SH3TC1: variants seen among roughly 807,000 people sequenced by gnomAD.
SH3TC1 encodes the protein SH3 domain and tetratricopeptide repeats 1.
SH3TC1 carries 135 observed loss-of-function variants against 117.3 expected under a neutral mutation model. The observed-to-expected ratio is 1.15, with a 90% CI of 1.00 to 1.33. The LOEUF is 1.33. SH3TC1 is among the 40% of genes most tolerant of loss of function. The pLI, the probability that SH3TC1 is intolerant of heterozygous loss-of-function variation, is 0.00. For missense variants in SH3TC1, 2,092 were observed against 1,794.3 expected, an observed-to-expected ratio of 1.17 and a Z score of -3.00; for synonymous variants, 898 against 816.9, an observed-to-expected ratio of 1.10 and a Z score of -1.69.
intron 17 of SH3TC1, among the ~76,000 whole-genome samples, chr4:8,240,271 A>T (rs1480558087): frequency 1.3e-5 from 2 of 152,168 alleles, no homozygotes; most frequent in Non-Finnish European, 2.9e-5. Context: ...ATGCTTTTAT[A>T]CCTGGCCCGG....
intron 1 of SH3TC1, among the ~76,000 whole-genome samples, chr4:8,194,199 G>A (rs1717495186): frequency 6.6e-6 from 1 of 152,190 alleles, no homozygotes; most frequent in Admixed American, 6.5e-5. Context: ...GTTGGTGGTG[G>A]CGCTAAAAAG....
intron 17 of SH3TC1, among the ~76,000 whole-genome samples, chr4:8,239,914 C>T (rs1722184818): frequency 6.6e-6 from 1 of 152,210 alleles, no homozygotes; most frequent in African/African-American, 2.4e-5. Flanking sequence ...TGATGTGACT[C>T]GGGCCCTTCT....
rs549218010 is a variant in SH3TC1, at chr4:8,234,126, AT to A, written c.3282+614del. Among the ~76,000 whole-genome samples the A allele has an allele frequency of 2.9e-3, 417 of 145,576 alleles. 3 individuals carry two copies. In the Middle Eastern group the frequency reaches 0.042, roughly 15 times the overall value. Reference sequence around the variant, plus strand: ...CCATTCACCTGTTGATCCTTCCATCATCCATCCATTTATCCATTCATCCATC... The same window carrying A: ...CCATTCACCTGTTGATCCTTCCATCACCATCCATTTATCCATTCATCCATC... On this transcript the variant is annotated intron_variant, in intron 14 of 17. Coordinates refer to ENST00000245105, the MANE Select transcript of SH3TC1 (RefSeq NM_018986.5).
At chr4:8,230,993 G>A (rs967135257) in intron 12 of SH3TC1, 4 of 151,898 alleles carry the variant, frequency 2.6e-5, no homozygotes, top group Admixed American at 6.6e-5. Context: ...TGTTTCCCAG[G>A]CTAGTCTCAA....
intron 8 of SH3TC1, among the ~76,000 whole-genome samples, chr4:8,218,606 T>C (rs1474800412): frequency 6.6e-6 from 1 of 152,178 alleles, no homozygotes; most frequent in Admixed American, 6.5e-5. Flanking sequence ...CATAGGATGC[T>C]CAGTGAAGCT....
chr4:8,227,003 C>G lies in SH3TC1; in HGVS notation c.1309C>G (p.Leu437Val). ...AGAAATACCTCCACCTTGCCTGAGC[C>G]TGGAGCCACAGGAGACCTTGCAGAA... ...EKEIPPPCLS[L>V]EPQETLQKVK... The change falls in exon 12 of 18, where the codon CTG (leucine) becomes GTG (valine). Residue 437 changes from leucine to valine, a missense_variant. Physicochemically the swap from Leu to Val is conservative, Grantham distance 32. Transcript: ENST00000245105. The G allele has an allele frequency of 6.4e-7, 1 of 1,555,282 alleles. No homozygotes were observed. The highest frequency in any genetic ancestry group is 8.7e-7 in the Non-Finnish European group (1 of 1,150,174).
intron 12 of SH3TC1, among the ~76,000 whole-genome samples, chr4:8,229,512 G>A (rs1010033888): frequency 2.2e-4 from 31 of 139,370 alleles, no homozygotes; most frequent in Middle Eastern, 3.6e-3. Flanking sequence ...GGTGTGAGCG[G>A]GTGAGCGGGG....
At chr4:8,235,366 T>A in intron 14 of SH3TC1, 67 bp from the exon 15 acceptor site, 1 of 1,400,826 alleles carries the variant, frequency 7.1e-7, no homozygotes, top group Non-Finnish European at 9.4e-7. Context: ...GGCGGGGGAG[T>A]CCGACCTGGG....
chr4:8,235,297 A>G, intron 14 of SH3TC1, 136 bp from the exon 15 acceptor site: 1 of 1,113,804 alleles, frequency 9.0e-7, no homozygotes, highest in Non-Finnish European at 1.2e-6. Context: ...GGCGGCCCTA[A>G]TGCACAGGGT....
chr4:8,192,240 C>G lies in SH3TC1; in HGVS notation c.-57+10030C>G, dbSNP rs976443038. On this transcript the variant is annotated intron_variant, in intron 1 of 16. Coordinates refer to the SH3TC1 transcript ENST00000508641. The surrounding 1 kb of genome is among the most constrained non-coding windows in gnomAD (Gnocchi z 4.1). ...AACTCCTGACCTCAAGTGATCTGCACCCCCCTCGGCCTCCCAAAGTGCTGG... is the reference window on the plus strand; with the variant it reads ...AACTCCTGACCTCAAGTGATCTGCAGCCCCCTCGGCCTCCCAAAGTGCTGG... 6.6e-6 allele frequency among the ~76,000 whole-genome samples: 1 copy of G among 151,806 alleles called. No individual in the cohort carries two copies.
In SH3TC1 at chr4:8,218,352, G is replaced by T. The variant is rs777207892; in HGVS notation, c.916+5G>T. ...TGCCCGGCAACCCGCTGATGGGTAA[G>T]TGTTTCCATGGGCCTCTCTTTTTTG... is the stretch of plus-strand genomic sequence containing the variant. On this transcript the variant is annotated splice_donor_5th_base_variant and intron_variant, in intron 8 of 17. Coordinates refer to ENST00000245105, the MANE Select transcript of SH3TC1 (RefSeq NM_018986.5). The T allele has an allele frequency of 1.9e-6, 3 of 1,604,864 alleles. No homozygotes were observed. The African/African-American group carries it at 4.0e-5, about 21-fold the overall frequency.
At chr4:8,189,261 C>A (rs1480566370) in intron 1 of SH3TC1, among the ~76,000 whole-genome samples, 1 of 152,276 alleles carries the variant, frequency 6.6e-6, no homozygotes, top group African/African-American at 2.4e-5. Context: ...AGAGCAAGGC[C>A]CGCCAGTCTC....
rs145145470 is a variant in SH3TC1, at chr4:8,202,131, T to C, written c.-29+2726T>C. On this transcript the variant is annotated intron_variant, in intron 1 of 17. Coordinates refer to ENST00000245105, the MANE Select transcript of SH3TC1 (RefSeq NM_018986.5). The stretch of plus-strand genomic sequence containing the variant: ...CCTGGCCTTGCAGGCAGGGGCTTCC[T>C]GGTGCTGCCACAGACTCAGGGCCAG... Among the ~76,000 whole-genome samples the C allele has an allele frequency of 6.4e-3, 968 of 152,292 alleles. 5 individuals are homozygous for C. The highest frequency in any genetic ancestry group is 0.031 in the Middle Eastern group (9 of 294).
upstream of SH3TC1, among the ~76,000 whole-genome samples, chr4:8,197,514 C>T (rs935827003): frequency 6.6e-6 from 1 of 152,226 alleles, no homozygotes; most frequent in Non-Finnish European, 1.5e-5. Flanking sequence ...GCCCCTCTGC[C>T]TGTGGGTCAG....
chr4:8,225,994 G>A lies in SH3TC1; in HGVS notation c.1285+778G>A, dbSNP rs1229949414. On this transcript the variant is annotated intron_variant, in intron 11 of 17. Coordinates refer to ENST00000245105, the MANE Select transcript of SH3TC1 (RefSeq NM_018986.5). The surrounding 1 kb of genome is among the most constrained non-coding windows in gnomAD (Gnocchi z 5.5). ...AGGGGCTGTTTGCCTCTGCCGGGCA[G>A]GGAGATTTCTTAGCTAATCTAGTGT... Among the ~76,000 whole-genome samples the A allele has an allele frequency of 6.6e-6, 1 of 152,196 alleles. No homozygotes were observed. Among genetic ancestry groups the A allele is most frequent in the East Asian group, 1.9e-4 (1 of 5,198 alleles).
At chr4:8,232,286 G>A (rs781288388) in intron 13 of SH3TC1, 130 bp downstream of exon 13, 111 of 1,453,444 alleles carry the variant, frequency 7.6e-5, no homozygotes, top group Middle Eastern at 2.0e-4. Flanking sequence ...CCTTGGCATC[G>A]GATGCTCTGA....
At chr4:8,204,378 T>C (rs1718028385) in intron 1 of SH3TC1, among the ~76,000 whole-genome samples, 1 of 152,124 alleles carries the variant, frequency 6.6e-6, no homozygotes, top group African/African-American at 2.4e-5. Context: ...GGGAAAATCT[T>C]CTCACCACAC....
chr4:8,217,319 G>T (rs1231799030), intron 7 of SH3TC1, 152 bp downstream of exon 7: 3 of 1,018,688 alleles, frequency 2.9e-6, no homozygotes, highest in Admixed American at 4.1e-5. Flanking sequence ...CAGCTGTGTG[G>T]CCTCGGCAAT....
At chr4:8,202,292 G>A (rs528036076) in intron 1 of SH3TC1, among the ~76,000 whole-genome samples, 48 of 152,358 alleles carry the variant, frequency 3.2e-4, no homozygotes, top group Admixed American at 1.2e-3. Flanking sequence ...CTCTCCAGGC[G>A]TGACCAGGGT....
Sources: gnomAD v4.1 joint callset for allele counts (sites outside exome capture counted in the v4.1 genomes callset) on GRCh38, gnomAD v4.1.1 for gene constraint, Gnocchi (gnomAD v3.1) non-coding constraint, MANE v1.5 for transcripts, NCBI Gene and HGNC (gene_info 2026-07-23, HGNC 2026-07-21) for gene names.